Variants in CDH13 observed in about 807,000 individuals in gnomAD.
CDH13 encodes the protein cadherin-13.
In CDH13, 24 loss-of-function variants were observed where a neutral mutation model predicts 63.8. The ratio of observed to expected loss-of-function variants is 0.38; its 90% CI spans 0.27 to 0.53. CDH13 has a LOEUF of 0.53. Ranked by LOEUF, CDH13 falls within the 20% of genes least tolerant of loss-of-function variation. The pLI, the probability that CDH13 is intolerant of heterozygous loss-of-function variation, is 0.85. For synonymous variants in CDH13, 503 were observed against 355.3 expected (o/e 1.42, Z -4.67); for missense variants, 1,049 against 903.1 (o/e 1.16, Z -2.07).
At chr16:83,460,586 A>G (rs2073150083) in intron 6 of CDH13, among the ~76,000 whole-genome samples, 2 of 152,242 alleles carry the variant, frequency 1.3e-5, no homozygotes, top group African/African-American at 2.4e-5. Context: ...GTCTGCAGAA[A>G]AATACAAACA....
intron 1 of CDH13, among the ~76,000 whole-genome samples, chr16:82,733,625 G>A (rs1323485634): frequency 2.0e-5 from 3 of 152,190 alleles, no homozygotes; most frequent in African/African-American, 7.2e-5. Context: ...CTGAGGCTTA[G>A]TGAGGTTCTA....
At chr16:82,842,262 A>T (rs2039067796) in intron 1 of CDH13, among the ~76,000 whole-genome samples, 1 of 150,822 alleles carries the variant, frequency 6.6e-6, no homozygotes. Flanking sequence ...AAGACAAGGA[A>T]TTTTTTAATC....
intron 2 of CDH13, among the ~76,000 whole-genome samples, chr16:82,994,889 A>G (rs1191026822): frequency 6.6e-6 from 1 of 152,206 alleles, no homozygotes; most frequent in East Asian, 1.9e-4. Context: ...GATGGGTTTC[A>G]TTTGGCCACA....
intron 10 of CDH13, among the ~76,000 whole-genome samples, chr16:83,731,803 T>A (rs1353551659): frequency 6.6e-6 from 1 of 152,204 alleles, no homozygotes; most frequent in East Asian, 1.9e-4. Flanking sequence ...AAAGTATCCA[T>A]TTTCTTTTTC....
chr16:82,782,550 TC>T (rs879764853), intron 1 of CDH13, among the ~76,000 whole-genome samples: 25,857 of 79,890 alleles, frequency 0.32, 2,584 homozygotes, highest in African/African-American at 0.38. Context: ...AGACTCCATC[TC>T]AAAAAAAAAA....
chr16:82,863,519 T>C (rs1467666605), intron 2 of CDH13, among the ~76,000 whole-genome samples: 2 of 152,208 alleles, frequency 1.3e-5, no homozygotes, highest in African/African-American at 4.8e-5. Context: ...GAGTGAGTTA[T>C]TCACATCCTC....
intron 4 of CDH13, among the ~76,000 whole-genome samples, chr16:83,192,722 A>G (rs16959715): frequency 0.015 from 2,272 of 152,246 alleles, 90 homozygotes; most frequent in South Asian, 0.12. Context: ...ATGGCTGTGA[A>G]TTCCGGGAAG....
intron 8 of CDH13, among the ~76,000 whole-genome samples, chr16:83,626,938 C>T (rs1407693850): frequency 6.6e-6 from 1 of 152,112 alleles, no homozygotes; most frequent in Non-Finnish European, 1.5e-5. Context: ...TAGAGCATCT[C>T]ACCTCTCTCG....
intron 5 of CDH13, among the ~76,000 whole-genome samples, chr16:83,229,100 G>A (rs1022136608): frequency 5.9e-5 from 9 of 152,194 alleles, no homozygotes; most frequent in Admixed American, 3.3e-4. Context: ...GCAGGATAAG[G>A]TGCTTGGATT....
At chr16:83,765,929 G>C (rs139800392) in intron 11 of CDH13, among the ~76,000 whole-genome samples, 1 of 152,268 alleles carries the variant, frequency 6.6e-6, no homozygotes, top group Non-Finnish European at 1.5e-5. Flanking sequence ...GCTCACAGCT[G>C]CTTATTGAAG....
intron 8 of CDH13, among the ~76,000 whole-genome samples, chr16:83,662,566 A>G (rs1913535138): frequency 6.6e-6 from 1 of 152,200 alleles, no homozygotes; most frequent in South Asian, 2.1e-4. Flanking sequence ...ATGAACCACC[A>G]GGAGCAGGGA....
chr16:82,791,081 C>T (rs1015845066), intron 1 of CDH13, among the ~76,000 whole-genome samples: 1 of 152,054 alleles, frequency 6.6e-6, no homozygotes, highest in Admixed American at 6.6e-5. Context: ...ACTAAAAATA[C>T]TAAATATTAG....
intron 2 of CDH13, among the ~76,000 whole-genome samples, chr16:82,955,362 T>A (rs893594916): frequency 1.3e-5 from 2 of 152,232 alleles, no homozygotes; most frequent in African/African-American, 4.8e-5. Flanking sequence ...CGGTACATGA[T>A]CAGAGTTGAG....
At chr16:83,473,157 A>G (rs58559294) in intron 6 of CDH13, among the ~76,000 whole-genome samples, 5,093 of 152,248 alleles carry the variant, frequency 0.033, 312 homozygotes, top group African/African-American at 0.11. Flanking sequence ...TTCATAAAAG[A>G]TCCATTTCCA....
chr16:83,196,625 A>G (rs903973252), intron 4 of CDH13, among the ~76,000 whole-genome samples: 1 of 152,220 alleles, frequency 6.6e-6, no homozygotes, highest in African/African-American at 2.4e-5. Context: ...GAAATTGACA[A>G]AAGACATAAA....
chr16:82,800,928 C>CCATTTGGTA (rs2036825239), intron 1 of CDH13, among the ~76,000 whole-genome samples: 1 of 152,052 alleles, frequency 6.6e-6, no homozygotes, highest in Admixed American at 6.6e-5. Context: ...CCTTTCGACT[C>CCATTTGGTA]CATTTGGTAC....
chr16:83,430,379 T>A (rs1297212816), intron 6 of CDH13, among the ~76,000 whole-genome samples: 1 of 152,174 alleles, frequency 6.6e-6, no homozygotes, highest in Non-Finnish European at 1.5e-5. Context: ...AAACAGGGCA[T>A]AAGGAAAATG....
At chr16:83,759,993 A>G (rs1186528950) in intron 11 of CDH13, among the ~76,000 whole-genome samples, 2 of 152,030 alleles carry the variant, frequency 1.3e-5, no homozygotes, top group African/African-American at 4.8e-5. Flanking sequence ...GACACAACCC[A>G]AAGAAGAATA....
chr16:83,293,566 A>C (rs1481905146), intron 5 of CDH13, among the ~76,000 whole-genome samples: 1 of 152,162 alleles, frequency 6.6e-6, no homozygotes. Flanking sequence ...CTATATTCAG[A>C]GGTTATTTCT....
Sources: gnomAD v4.1 joint callset for allele counts (sites outside exome capture counted in the v4.1 genomes callset) on GRCh38, gnomAD v4.1.1 for gene constraint, MANE v1.5 for transcripts, NCBI Gene and HGNC (gene_info 2026-07-23, HGNC 2026-07-21) for gene names.